TCF12: variants seen among roughly 807,000 people sequenced by gnomAD.
TCF12 encodes DNA-binding protein HTF4.
In TCF12, 45 loss-of-function variants were observed where a neutral mutation model predicts 86.0. That is an observed-to-expected ratio of 0.52 (90% CI 0.41 to 0.67). TCF12 has a LOEUF of 0.67. TCF12 is among the 30% of genes least tolerant of loss of function. TCF12 has a pLI of 0.00. For missense variants in TCF12, 881 were observed against 859.9 expected (o/e 1.02, Z -0.31); for synonymous variants, 330 against 299.6 (o/e 1.10, Z -1.05).
chr15:57,144,498 A>G (rs1277409536), intron 5 of TCF12, among the ~76,000 whole-genome samples: 3 of 152,204 alleles, frequency 2.0e-5, no homozygotes, highest in Non-Finnish European at 4.4e-5. Flanking sequence ...GAGTTCTTAC[A>G]CTTTATAGGC....
intron 3 of TCF12, among the ~76,000 whole-genome samples, chr15:56,989,067 A>G (rs2063324712): frequency 6.6e-6 from 1 of 152,144 alleles, no homozygotes; most frequent in African/African-American, 2.4e-5. Flanking sequence ...TTTCCAAGAG[A>G]TGACTATTTA....
At chr15:57,227,641 T>C (rs1333578892) in intron 8 of TCF12, among the ~76,000 whole-genome samples, 1 of 152,064 alleles carries the variant, frequency 6.6e-6, no homozygotes, top group Admixed American at 6.6e-5. Flanking sequence ...AGGGGAGGTA[T>C]CTGTTAGATT....
chr15:57,185,724 C>G (rs2056629300), intron 6 of TCF12, among the ~76,000 whole-genome samples: 1 of 151,990 alleles, frequency 6.6e-6, no homozygotes, highest in South Asian at 2.1e-4. Context: ...CTCTACAAAA[C>G]AATTTAAAAA....
intron 4 of TCF12, among the ~76,000 whole-genome samples, chr15:57,067,928 C>T (rs2069041829): frequency 1.3e-5 from 2 of 152,122 alleles, no homozygotes; most frequent in Admixed American, 1.3e-4. Context: ...TCCCTCTCTC[C>T]CTTGCTTTTT....
At chr15:57,188,815 G>T (rs1429838358) in intron 6 of TCF12, among the ~76,000 whole-genome samples, 1 of 152,170 alleles carries the variant, frequency 6.6e-6, no homozygotes, top group Non-Finnish European at 1.5e-5. Context: ...TTGAGACAGG[G>T]TCTCACTCTG....
intron 18 of TCF12, 116 bp downstream of exon 18, chr15:57,263,390 G>C: frequency 5.5e-6 from 6 of 1,090,026 alleles, no homozygotes; most frequent in Non-Finnish European, 7.8e-6. Context: ...ATTGTGTTAG[G>C]ATTTTTGTGT....
chr15:57,239,589 A>G (rs1332762224), intron 12 of TCF12, among the ~76,000 whole-genome samples: 1 of 151,944 alleles, frequency 6.6e-6, no homozygotes, highest in African/African-American at 2.4e-5. Flanking sequence ...AGAGGGGAGT[A>G]ACTAGAAATA....
intron 3 of TCF12, among the ~76,000 whole-genome samples, chr15:57,060,850 GA>G (rs1462509671): frequency 6.6e-6 from 1 of 152,092 alleles, no homozygotes; most frequent in Non-Finnish European, 1.5e-5. Context: ...TGAAGCTTTG[GA>G]AAGTTTATTA....
chr15:57,152,955 A>G (rs1376629011), intron 5 of TCF12, among the ~76,000 whole-genome samples: 1 of 152,170 alleles, frequency 6.6e-6, no homozygotes, highest in Non-Finnish European at 1.5e-5. Flanking sequence ...GCAGAAAAAA[A>G]AACACATCAT....
In TCF12 at chr15:56,981,912, T is replaced by A. The variant is rs537193532; in HGVS notation, c.148+60814T>A. Among the ~76,000 whole-genome samples the A allele has an allele frequency of 3.3e-5, 5 of 152,148 alleles. No homozygotes were observed. In the South Asian group the frequency reaches 1.0e-3, roughly 32 times the overall value. On this transcript the variant is annotated intron_variant, in intron 3 of 20. Transcript: ENST00000333725. ...TGCTGAGGAAGAGGAGAGGTTGGTG[T>A]GGCTGTCTCGCAGAGGTGGAAGGGG...
intron 6 of TCF12, among the ~76,000 whole-genome samples, chr15:57,168,570 C>T (rs1309966854): frequency 6.6e-6 from 1 of 152,018 alleles, no homozygotes; most frequent in Non-Finnish European, 1.5e-5. Flanking sequence ...AGAACTCATT[C>T]TTTTTTATGA....
intron 3 of TCF12, among the ~76,000 whole-genome samples, chr15:57,034,359 C>T (rs2066377930): frequency 6.6e-6 from 1 of 151,878 alleles, no homozygotes; most frequent in African/African-American, 2.4e-5. Flanking sequence ...TCTGGGTGGG[C>T]AAGAAGAGCT....
chr15:57,058,531 A>G (rs976972351), intron 3 of TCF12, among the ~76,000 whole-genome samples: 5 of 152,214 alleles, frequency 3.3e-5, no homozygotes, highest in Non-Finnish European at 7.3e-5. Context: ...ATTAAAGATG[A>G]CCGGAAAGGG....
chr15:57,261,090 A>C (rs1224021506), intron 16 of TCF12, among the ~76,000 whole-genome samples: 2 of 152,160 alleles, frequency 1.3e-5, no homozygotes, highest in Non-Finnish European at 2.9e-5. Context: ...GTTTAGAGAA[A>C]GGGTGTAGTG....
intron 3 of TCF12, among the ~76,000 whole-genome samples, chr15:56,963,270 C>T (rs1243692638): frequency 6.6e-6 from 1 of 151,980 alleles, no homozygotes; most frequent in African/African-American, 2.4e-5. Context: ...GATGAAAAAA[C>T]AATTTCTTTG....
intron 5 of TCF12, among the ~76,000 whole-genome samples, chr15:57,120,960 G>GA (rs1290546545): frequency 6.6e-5 from 10 of 152,020 alleles, no homozygotes; most frequent in Non-Finnish European, 1.0e-4. Context: ...TAGCCTGGGT[G>GA]AAAAAGTGAG....
At position 57,273,286 on chromosome 15, in the gene TCF12, A is replaced by T. The variant is rs145298583; in HGVS notation, c.1978+24A>T. 8.1e-5 allele frequency: 131 copies of T among 1,607,488 alleles called. 1 individual carries two copies. In the African/African-American group the frequency reaches 1.4e-3, roughly 17 times the overall value. ...AGGTAAGTAGGTTCAGCCGAGATGT[A>T]TAACTGTTCTGCTTCAGATGGGCAG... On this transcript the variant is annotated intron_variant, in intron 19 of 20. Coordinates refer to ENST00000333725, the MANE Select transcript of TCF12 (RefSeq NM_207037.2).
chr15:57,086,738 GA>G (rs2048662223), intron 4 of TCF12, among the ~76,000 whole-genome samples: 2 of 133,032 alleles, frequency 1.5e-5, no homozygotes, highest in African/African-American at 5.6e-5. Flanking sequence ...CCATTGAAAA[GA>G]ATTGAAAAAT....
At chr15:57,269,921 G>C (rs2061054053) in intron 18 of TCF12, among the ~76,000 whole-genome samples, 1 of 152,198 alleles carries the variant, frequency 6.6e-6, no homozygotes, top group African/African-American at 2.4e-5. Flanking sequence ...TCTGCAGAGA[G>C]ATCCACTGTT....
Sources: allele counts gnomAD v4.1 joint callset (sites outside exome capture counted in the v4.1 genomes callset), GRCh38; gene constraint gnomAD v4.1.1; transcripts MANE v1.5; gene names NCBI Gene and HGNC (gene_info 2026-07-23, HGNC 2026-07-21).